FBXL17: variants seen among roughly 807,000 people sequenced by gnomAD.
FBXL17 encodes the protein F-box and leucine rich repeat protein 17.
A neutral mutation model predicts 66.2 loss-of-function variants in FBXL17; 22 were observed. The ratio of observed to expected loss-of-function variants is 0.33; its 90% CI spans 0.24 to 0.47. FBXL17 has a LOEUF of 0.47. Ranked by LOEUF, FBXL17 falls within the 20% of genes least tolerant of loss-of-function variation. The pLI, the probability that FBXL17 is intolerant of heterozygous loss-of-function variation, is 1.00. For missense variants in FBXL17, 878 were observed against 948.2 expected (o/e 0.93, Z 0.97); for synonymous variants, 474 against 400.5 (o/e 1.18, Z -2.19).
intron 4 of FBXL17, among the ~76,000 whole-genome samples, chr5:108,307,095 A>C (rs1758878332): frequency 6.6e-6 from 1 of 152,038 alleles, no homozygotes; most frequent in Admixed American, 6.6e-5. Flanking sequence ...TCAGTGTATC[A>C]ATGTGTGTAA....
At chr5:108,282,659 G>A (rs886669278) in intron 4 of FBXL17, among the ~76,000 whole-genome samples, 1 of 151,644 alleles carries the variant, frequency 6.6e-6, no homozygotes, top group Non-Finnish European at 1.5e-5. Context: ...GAAAGTCTTA[G>A]CTAGAGCAAT....
intron 7 of FBXL17, among the ~76,000 whole-genome samples, chr5:107,962,445 T>C (rs901429304): frequency 6.6e-6 from 1 of 152,142 alleles, no homozygotes; most frequent in Non-Finnish European, 1.5e-5. Flanking sequence ...ACATGTATTG[T>C]ATAACTTGGA....
rs571174272 is a variant in FBXL17 at position 108,237,442 on chromosome 5, C to T, written c.1507-13214G>A. Reference sequence around the variant, plus strand: ...GTTTCCCAAGGACTTCTGACTAGAACCAAAAGCAAGTTTGAAGAGAGAACA... The same window carrying T: ...GTTTCCCAAGGACTTCTGACTAGAATCAAAAGCAAGTTTGAAGAGAGAACA... On this transcript the variant is annotated intron_variant, in intron 4 of 8. Coordinates refer to ENST00000542267, the MANE Select transcript of FBXL17 (RefSeq NM_001163315.3). 2.6e-5 allele frequency among the ~76,000 whole-genome samples: 4 copies of T among 152,212 alleles called. No individual in the cohort carries two copies. The South Asian group carries it at 8.3e-4, about 32-fold the overall frequency.
At chr5:107,871,069 A>AAAAAAACAAAAAAAC (rs1554080845) in intron 8 of FBXL17, among the ~76,000 whole-genome samples, 4 of 130,236 alleles carry the variant, frequency 3.1e-5, no homozygotes, top group Middle Eastern at 3.9e-3. Context: ...AAAAAAAAAA[A>AAAAAAACAAAAAAAC]AAAAAAAAAA....
chr5:108,206,763 T>G (rs1435837548), intron 5 of FBXL17, among the ~76,000 whole-genome samples: 1 of 152,224 alleles, frequency 6.6e-6, no homozygotes. Flanking sequence ...TGTTTATACA[T>G]ACACCAACTG....
chr5:108,186,688 G>A (rs1332117140), intron 5 of FBXL17, among the ~76,000 whole-genome samples: 2 of 151,396 alleles, frequency 1.3e-5, no homozygotes, highest in Admixed American at 6.6e-5. Context: ...GGGAATTCTT[G>A]AACCCGGGAG....
At chr5:108,083,247 A>ACT (rs1748839692) in intron 6 of FBXL17, among the ~76,000 whole-genome samples, 1 of 137,550 alleles carries the variant, frequency 7.3e-6, no homozygotes, top group Non-Finnish European at 1.5e-5. Context: ...ACACACACAC[A>ACT]CACAGAGAGA....
At chr5:107,914,196 A>T (rs1261327070) in intron 7 of FBXL17, among the ~76,000 whole-genome samples, 1 of 152,192 alleles carries the variant, frequency 6.6e-6, no homozygotes, top group East Asian at 1.9e-4. Context: ...CAGAGAGTAT[A>T]GTCAATTTAA....
At position 108,381,499 on chromosome 5, in the gene FBXL17, C is replaced by A; in HGVS notation, c.193G>T (p.Val65Leu). The change falls in exon 1 of 9, where the codon GTG (valine) becomes TTG (leucine). Residue 65 changes from valine (V) to leucine (L), a missense_variant. By Grantham distance (32) the Val-to-Leu change is conservative. This residue lies in a region of FBXL17 where 605 missense variants were observed against 509.5 expected (regional missense o/e 1.19). Transcript: ENST00000542267. The stretch of plus-strand genomic sequence containing the variant: ...GGGGCGGGCGCGCCGGGACTGTGCA[C>A]GATGAAGCAGAGCATGCAGGGCCCG... ...FRGPCMLCFI[V>L]HSPGAPAPAG... 7.2e-7 allele frequency: 1 copy of A among 1,392,514 alleles called. No homozygotes were observed. Among genetic ancestry groups the A allele is most frequent in the African/African-American group, 1.5e-5 (1 of 65,582 alleles). The allele number at this position is 1,392,514 out of a possible 1,614,324, so 86.3% of individuals were successfully genotyped here. A position where few individuals can be genotyped will look rare whatever the true frequency, so the allele number is the denominator to read the frequency against.
chr5:108,208,250 C>T (rs1754213258), intron 5 of FBXL17, among the ~76,000 whole-genome samples: 1 of 152,158 alleles, frequency 6.6e-6, no homozygotes, highest in Non-Finnish European at 1.5e-5. Flanking sequence ...AAATCTTCTC[C>T]CATTCTGTAG....
At chr5:108,341,540 A>G (rs1746881053) in intron 4 of FBXL17, among the ~76,000 whole-genome samples, 1 of 152,104 alleles carries the variant, frequency 6.6e-6, no homozygotes, top group Non-Finnish European at 1.5e-5. Context: ...TCCTTTTTGT[A>G]TTCTATATTT....
intron 4 of FBXL17, among the ~76,000 whole-genome samples, chr5:108,274,253 T>C (rs1757393343): frequency 6.6e-6 from 1 of 152,160 alleles, no homozygotes; most frequent in Admixed American, 6.5e-5. Flanking sequence ...ATCTCACCTC[T>C]GCAGTCTCGA....
At chr5:108,179,509 T>C (rs929222861) in intron 6 of FBXL17, among the ~76,000 whole-genome samples, 1 of 152,122 alleles carries the variant, frequency 6.6e-6, no homozygotes, top group Admixed American at 6.5e-5. Flanking sequence ...AACAAAGGAA[T>C]CATGAACCAA....
At chr5:108,357,290 T>TA (rs968768388) in intron 3 of FBXL17, among the ~76,000 whole-genome samples, 4 of 152,008 alleles carry the variant, frequency 2.6e-5, no homozygotes, top group African/African-American at 9.7e-5. Flanking sequence ...CAGGAAGACA[T>TA]AATAATCCTT....
chr5:108,054,515 C>T (rs1419571184), intron 6 of FBXL17, among the ~76,000 whole-genome samples: 3 of 152,092 alleles, frequency 2.0e-5, no homozygotes, highest in Non-Finnish European at 4.4e-5. Flanking sequence ...AGTGGAAGCT[C>T]CAACTCCCTG....
chr5:108,260,713 T>C (rs1756779002), intron 4 of FBXL17, among the ~76,000 whole-genome samples: 1 of 152,142 alleles, frequency 6.6e-6, no homozygotes, highest in Non-Finnish European at 1.5e-5. Flanking sequence ...GTATTGTGCC[T>C]GTGGAACTTT....
intron 6 of FBXL17, among the ~76,000 whole-genome samples, chr5:108,108,214 T>C (rs1248345030): frequency 6.6e-6 from 1 of 152,252 alleles, no homozygotes; most frequent in Admixed American, 6.5e-5. Flanking sequence ...TAATCTCTTA[T>C]ACTTTTCTTA....
intron 6 of FBXL17, among the ~76,000 whole-genome samples, chr5:108,065,468 T>C (rs186113052): frequency 3.3e-5 from 5 of 152,358 alleles, no homozygotes; most frequent in Admixed American, 3.3e-4. Flanking sequence ...AAACTTGGAT[T>C]CACAATCACA....
At chr5:108,366,291 TCAC>T (rs1329069780) in intron 2 of FBXL17, among the ~76,000 whole-genome samples, 7 of 151,976 alleles carry the variant, frequency 4.6e-5, no homozygotes, top group Admixed American at 3.9e-4. Context: ...CTGTGCCCAA[TCAC>T]CACATTTCCA....
Sources: allele counts gnomAD v4.1 joint callset (sites outside exome capture counted in the v4.1 genomes callset), GRCh38; gene constraint gnomAD v4.1.1; regional missense constraint gnomAD v4.1.1; transcripts MANE v1.5; gene names NCBI Gene and HGNC (gene_info 2026-07-23, HGNC 2026-07-21).